Variants in CTNND2 observed in about 807,000 individuals in gnomAD.
CTNND2 encodes the protein catenin delta 2, also known as catenin delta-2.
In CTNND2, 22 loss-of-function variants were observed where a neutral mutation model predicts 144.4. The ratio of observed to expected loss-of-function variants is 0.15; its 90% CI spans 0.11 to 0.22. The LOEUF (loss-of-function observed/expected upper bound fraction) is 0.22, where lower values mean the gene tolerates loss of function less well. Ranked by LOEUF, CTNND2 falls within the 10% of genes least tolerant of loss-of-function variation. CTNND2 has a pLI of 1.00. For synonymous variants in CTNND2, 751 were observed against 695.6 expected, an observed-to-expected ratio of 1.08 and a Z score of -1.25; for missense variants, 1,353 against 1,618.8, an observed-to-expected ratio of 0.84 and a Z score of 2.82.
rs10462584 is a variant in CTNND2 at position 11,813,765 on chromosome 5, C to T, written c.38-81493G>A. 0.014 allele frequency among the ~76,000 whole-genome samples: 2,117 copies of T among 152,280 alleles called. 121 individuals carry two copies. The East Asian group carries it at 0.18, about 13-fold the overall frequency. On this transcript the variant is annotated intron_variant, in intron 1 of 21. Transcript: ENST00000304623. ...CTGGCCTCAAGCGATCCTTCAGCCTCGACCTCCCAAAGCACTGGGATTAAA... is the reference window on the plus strand; with the variant it reads ...CTGGCCTCAAGCGATCCTTCAGCCTTGACCTCCCAAAGCACTGGGATTAAA...
At chr5:11,541,450 G>A (rs183094370) in intron 3 of CTNND2, among the ~76,000 whole-genome samples, 3 of 152,018 alleles carry the variant, frequency 2.0e-5, no homozygotes, top group African/African-American at 4.8e-5. Flanking sequence ...CTGTTTCTTC[G>A]ATCTCCTCAC....
chr5:11,683,853 G>A (rs1784527354), intron 2 of CTNND2, among the ~76,000 whole-genome samples: 1 of 152,208 alleles, frequency 6.6e-6, no homozygotes, highest in Non-Finnish European at 1.5e-5. Context: ...CTAGGTCAGA[G>A]CCCTGAGTCC....
At chr5:10,990,619 T>G (rs1257635514) in intron 19 of CTNND2, among the ~76,000 whole-genome samples, 2 of 152,218 alleles carry the variant, frequency 1.3e-5, no homozygotes, top group Non-Finnish European at 2.9e-5. Flanking sequence ...GCTTTTAAAA[T>G]TAGAATCCAA....
chr5:11,236,843 C>T lies in CTNND2; in HGVS notation c.1629-20G>A. 2.5e-6 allele frequency: 4 copies of T among 1,613,612 alleles called. No individual in the cohort carries two copies. The highest frequency in any genetic ancestry group is 3.4e-6 in the Non-Finnish European group (4 of 1,179,734). Reference sequence around the variant, plus strand: ...AATTCTCTGAACAAAAGGAAAGAAGCGGGGAGAATATGAGAGAGAAATCCT... The same window carrying T: ...AATTCTCTGAACAAAAGGAAAGAAGTGGGGAGAATATGAGAGAGAAATCCT... On this transcript the variant is annotated intron_variant, in intron 9 of 21. Coordinates refer to ENST00000304623, the MANE Select transcript of CTNND2 (RefSeq NM_001332.4).
intron 1 of CTNND2, among the ~76,000 whole-genome samples, chr5:11,760,024 A>C (rs1431449706): frequency 7.0e-6 from 1 of 143,554 alleles, no homozygotes; most frequent in African/African-American, 2.6e-5. Context: ...TGCCAGGTCC[A>C]GTACTTGGCA....
At position 11,711,734 on chromosome 5, in the gene CTNND2, T is replaced by C. The variant is rs559266075; in HGVS notation, c.174+20402A>G. Among the ~76,000 whole-genome samples, 128 of 152,324 alleles carry C rather than the reference T, an allele frequency of 8.4e-4. 1 individual carries two copies. The highest frequency in any genetic ancestry group is 3.7e-3 in the Admixed American group (56 of 15,302). The stretch of plus-strand genomic sequence containing the variant: ...TCCTAGTTACTGTTAAAATGAAGTA[T>C]AGTTTTGTCTATGGATAACATTCAC... On this transcript the variant is annotated intron_variant, in intron 2 of 21. Coordinates refer to ENST00000304623, the MANE Select transcript of CTNND2 (RefSeq NM_001332.4).
intron 12 of CTNND2, among the ~76,000 whole-genome samples, chr5:11,140,981 G>T (rs886402984): frequency 3.9e-4 from 60 of 151,994 alleles, no homozygotes; most frequent in African/African-American, 1.4e-3. Context: ...TTGAGACAGG[G>T]TCTCATTCTG....
At chr5:11,300,048 T>C (rs1041704777) in intron 9 of CTNND2, among the ~76,000 whole-genome samples, 1 of 152,206 alleles carries the variant, frequency 6.6e-6, no homozygotes, top group Non-Finnish European at 1.5e-5. Flanking sequence ...TATATACATT[T>C]AGGTTTGAAG....
At chr5:11,892,699 A>G (rs1737074209) in intron 1 of CTNND2, among the ~76,000 whole-genome samples, 1 of 152,144 alleles carries the variant, frequency 6.6e-6, no homozygotes, top group African/African-American at 2.4e-5. Flanking sequence ...GCTAAAAAAA[A>G]AAACCTCACA....
chr5:11,128,826 ATATAT>A (rs1755014309), intron 12 of CTNND2, among the ~76,000 whole-genome samples: 2 of 66,040 alleles, frequency 3.0e-5, no homozygotes, highest in Non-Finnish European at 5.9e-5. Flanking sequence ...AATATATATT[ATATAT>A]TATATTAAGT....
chr5:11,326,893 C>G (rs1010908920), intron 9 of CTNND2, among the ~76,000 whole-genome samples: 19 of 152,174 alleles, frequency 1.2e-4, no homozygotes, highest in African/African-American at 4.3e-4. Flanking sequence ...GCATTTCGAA[C>G]AGTGAACTCT....
At chr5:11,545,254 G>A (rs745839554) in intron 3 of CTNND2, among the ~76,000 whole-genome samples, 4 of 151,228 alleles carry the variant, frequency 2.6e-5, no homozygotes, top group African/African-American at 9.7e-5. Flanking sequence ...CCTGGAAGGC[G>A]GAGGTTGAAG....
intron 9 of CTNND2, among the ~76,000 whole-genome samples, chr5:11,247,403 G>C (rs1743115131): frequency 6.6e-6 from 1 of 152,208 alleles, no homozygotes; most frequent in Non-Finnish European, 1.5e-5. Flanking sequence ...ATATCACTGG[G>C]GGCCTGGGCC....
intron 3 of CTNND2, among the ~76,000 whole-genome samples, chr5:11,551,428 TTTTC>T (rs1775750403): frequency 1.2e-5 from 1 of 86,522 alleles, no homozygotes; most frequent in Middle Eastern, 7.1e-3. Flanking sequence ...GCTTTTTCTT[TTTTC>T]TTTTTTTTTT....
At chr5:11,505,955 T>G in intron 3 of CTNND2, among the ~76,000 whole-genome samples, 1 of 152,152 alleles carries the variant, frequency 6.6e-6, no homozygotes, top group East Asian at 1.9e-4. Flanking sequence ...CACAAGATCC[T>G]TCCCTGCAGC....
chr5:11,352,626 T>C (rs1439556572), intron 8 of CTNND2, among the ~76,000 whole-genome samples: 2 of 152,216 alleles, frequency 1.3e-5, no homozygotes, highest in Non-Finnish European at 2.9e-5. Flanking sequence ...AACATTTTTG[T>C]GATGGTGGTG....
intron 14 of CTNND2, among the ~76,000 whole-genome samples, chr5:11,104,074 C>A (rs1474649367): frequency 1.3e-5 from 2 of 152,204 alleles, no homozygotes; most frequent in Non-Finnish European, 2.9e-5. Flanking sequence ...ACTGCTGAGT[C>A]GTATCTTCAG....
At chr5:11,516,687 A>G (rs1337999336) in intron 3 of CTNND2, among the ~76,000 whole-genome samples, 1 of 152,236 alleles carries the variant, frequency 6.6e-6, no homozygotes, top group Non-Finnish European at 1.5e-5. Context: ...AAATAAATAT[A>G]AAAATGGTCC....
At chr5:11,258,160 T>C (rs2031475711) in intron 9 of CTNND2, among the ~76,000 whole-genome samples, 2 of 152,044 alleles carry the variant, frequency 1.3e-5, no homozygotes, top group African/African-American at 4.8e-5. Context: ...TTCTAACCAA[T>C]CCCAGATATC....
Sources: allele counts gnomAD v4.1 joint callset (sites outside exome capture counted in the v4.1 genomes callset), GRCh38; gene constraint gnomAD v4.1.1; transcripts MANE v1.5; gene names NCBI Gene and HGNC (gene_info 2026-07-23, HGNC 2026-07-21).